PCYT1B: variants seen among roughly 807,000 people sequenced by gnomAD.
PCYT1B encodes choline-phosphate cytidylyltransferase B.
A neutral mutation model predicts 26.4 loss-of-function variants in PCYT1B; 10 were observed. That is an observed-to-expected ratio of 0.38 (90% CI 0.23 to 0.64). The LOEUF is 0.64. Among genes scored for constraint, PCYT1B ranks in the 30% least tolerant of loss-of-function variants. PCYT1B has a pLI of 0.56. For missense variants in PCYT1B, 161 were observed against 292.7 expected (o/e 0.55, Z 3.28); for synonymous variants, 131 against 108.4 (o/e 1.21, Z -1.29).
chrX:24,588,414 T>C (rs764972000), intron 4 of PCYT1B, among the ~76,000 whole-genome samples: 2 of 111,861 alleles, frequency 1.8e-5, no homozygotes, highest in Non-Finnish European at 3.8e-5. Context: ...TCTTTATTCC[T>C]GTTTCCTGCA....
chrX:24,638,950 C>T (rs1926383327), intron 1 of PCYT1B, among the ~76,000 whole-genome samples: 1 of 112,860 alleles, frequency 8.9e-6, no homozygotes, highest in Non-Finnish European at 1.9e-5. Flanking sequence ...ATTTGGAATA[C>T]ATTCAACCTG....
Position 24,594,369 on chromosome X carries a change from C to T in PCYT1B, c.335-4195G>A, listed in dbSNP as rs193087507. 7.4e-3 allele frequency among the ~76,000 whole-genome samples: 828 copies of T among 111,416 alleles called. 7 individuals are homozygous for T. The highest frequency in any genetic ancestry group is 0.026 in the African/African-American group (782 of 30,642). ...ATATGATTTCAAAACCAATCTAAGA[C>T]TTTTTGAATGTTCTTTTAGGACCTT... On this transcript the variant is annotated intron_variant, in intron 3 of 7. Transcript: ENST00000379144.
intron 1 of PCYT1B, among the ~76,000 whole-genome samples, chrX:24,637,090 T>G (rs773404149): frequency 9.3e-4 from 103 of 111,242 alleles, no homozygotes; most frequent in African/African-American, 3.4e-3. Flanking sequence ...AATATTTACA[T>G]TGAATTTCTA....
At chrX:24,640,641 C>T in intron 1 of PCYT1B, among the ~76,000 whole-genome samples, 1 of 111,492 alleles carries the variant, frequency 9.0e-6, no homozygotes, top group Non-Finnish European at 1.9e-5. Context: ...AGGCACTCTT[C>T]CTAGGTAACC....
In PCYT1B at chrX:24,563,854, C is replaced by T. The variant is rs181122969; in HGVS notation, c.898-1349G>A. Among the ~76,000 whole-genome samples the T allele has an allele frequency of 9.1e-4, 101 of 111,338 alleles. 1 individual carries two copies. Among genetic ancestry groups the T allele is most frequent in the South Asian group, 1.9e-3 (5 of 2,603 alleles). ...GGAACAGATGGCAGTGAGGCGGGGGCAGGAACAGGGAGCCCACTTATGAGC... is the reference window on the plus strand; with the variant it reads ...GGAACAGATGGCAGTGAGGCGGGGGTAGGAACAGGGAGCCCACTTATGAGC... On this transcript the variant is annotated intron_variant, in intron 7 of 7. Transcript: ENST00000379144.
At chrX:24,633,080 C>G (rs1381880539) in intron 1 of PCYT1B, among the ~76,000 whole-genome samples, 1 of 107,343 alleles carries the variant, frequency 9.3e-6, no homozygotes, top group African/African-American at 3.4e-5. Context: ...TGTGGTGGCA[C>G]GTGCCTGTAA....
At chrX:24,571,285 G>A (rs1473225605) in intron 7 of PCYT1B, among the ~76,000 whole-genome samples, 1 of 111,120 alleles carries the variant, frequency 9.0e-6, no homozygotes, top group Non-Finnish European at 1.9e-5. Flanking sequence ...AATCACTTGA[G>A]CCCGGGAGGC....
intron 7 of PCYT1B, among the ~76,000 whole-genome samples, chrX:24,565,650 T>C (rs1168314638): frequency 9.0e-6 from 1 of 110,938 alleles, no homozygotes; most frequent in African/African-American, 3.3e-5. Context: ...CCCAGAAAGA[T>C]TTTAATCAAG....
intron 2 of PCYT1B, among the ~76,000 whole-genome samples, chrX:24,617,362 G>GGTTT (rs200007459): frequency 2.8e-5 from 2 of 71,072 alleles, no homozygotes; most frequent in African/African-American, 1.5e-4. Context: ...TCTTAAGTTT[G>GGTTT]GTTTGTTTGT....
At chrX:24,668,716 TG>T (rs1416702497) in intron 1 of PCYT1B, among the ~76,000 whole-genome samples, 5 of 108,782 alleles carry the variant, frequency 4.6e-5, no homozygotes, top group African/African-American at 1.7e-4. Context: ...TCCTTGCCTT[TG>T]GATATAAACC....
Position 24,659,124 on chromosome X carries a change from T to C in PCYT1B, c.63+13446A>G, listed in dbSNP as rs762055899. Among the ~76,000 whole-genome samples, 4 of 111,916 alleles carry C rather than the reference T, an allele frequency of 3.6e-5. No homozygotes were observed. In the East Asian group the frequency reaches 1.1e-3, roughly 31 times the overall value. ...GTGGGACCTCAAAGCCCCCACTCAA[T>C]GCATGATGCCTTGGTACCTCAACAT... On this transcript the variant is annotated intron_variant, in intron 1 of 7. Coordinates refer to the PCYT1B transcript ENST00000379145.
intron 6 of PCYT1B, 102 bp from the exon 7 acceptor site, chrX:24,575,420 T>C: frequency 1.5e-6 from 1 of 665,688 alleles, no homozygotes; most frequent in South Asian, 3.4e-5. Flanking sequence ...CAATTTGTAT[T>C]TGTTCCTAAC....
intron 7 of PCYT1B, among the ~76,000 whole-genome samples, chrX:24,570,090 G>C (rs1923773054): frequency 9.6e-6 from 1 of 104,000 alleles, no homozygotes; most frequent in Non-Finnish European, 2.0e-5. Context: ...GGGAGGCTGA[G>C]ACAGGAGAAT....
chrX:24,654,504 A>G (rs892716530), intron 1 of PCYT1B, among the ~76,000 whole-genome samples: 2 of 100,811 alleles, frequency 2.0e-5, no homozygotes, highest in African/African-American at 7.2e-5. Context: ...TAATCCTAGC[A>G]CTTTGGGAGG....
At chrX:24,631,293 C>T (rs150556586) in intron 1 of PCYT1B, among the ~76,000 whole-genome samples, 2,132 of 111,332 alleles carry the variant, frequency 0.019, 21 homozygotes, top group Non-Finnish European at 0.03. Flanking sequence ...CACCAAAAAG[C>T]GGTTCAGAAA....
chrX:24,592,685 A>C (rs1924608473), intron 3 of PCYT1B, among the ~76,000 whole-genome samples: 1 of 111,341 alleles, frequency 9.0e-6, no homozygotes, highest in Non-Finnish European at 1.9e-5. Flanking sequence ...TCTCATTCAG[A>C]GTAAAACCAA....
At chrX:24,603,956 C>T (rs940938828) in intron 3 of PCYT1B, among the ~76,000 whole-genome samples, 4 of 111,452 alleles carry the variant, frequency 3.6e-5, no homozygotes, top group Non-Finnish European at 5.6e-5. Flanking sequence ...AGCAATGCCA[C>T]TCTTGGGATT....
intron 1 of PCYT1B, among the ~76,000 whole-genome samples, chrX:24,668,299 C>G (rs1927167905): frequency 8.9e-6 from 1 of 111,745 alleles, no homozygotes; most frequent in Non-Finnish European, 1.9e-5. Context: ...CACACTCCCC[C>G]TCCCCGCAAG....
intron 7 of PCYT1B, among the ~76,000 whole-genome samples, chrX:24,572,266 G>GCACACA (rs753296581): frequency 1.0e-5 from 1 of 98,994 alleles, no homozygotes; most frequent in African/African-American, 3.7e-5. Context: ...ACACGCGCGC[G>GCACACA]CACACACACA....
Sources: allele counts gnomAD v4.1 joint callset (sites outside exome capture counted in the v4.1 genomes callset), GRCh38; gene constraint gnomAD v4.1.1; transcripts MANE v1.5; gene names NCBI Gene and HGNC (gene_info 2026-07-23, HGNC 2026-07-21).